Variants in TMX3 observed in about 807,000 individuals in gnomAD.
TMX3 encodes the protein thioredoxin related transmembrane protein 3, also known as protein disulfide-isomerase TMX3.
Under a neutral mutation model 64.4 loss-of-function variants are expected in TMX3, and 40 were observed. The observed-to-expected ratio is 0.62, with a 90% confidence interval of 0.48 to 0.81. TMX3 has a LOEUF of 0.81. TMX3 is among the 30% of genes least tolerant of loss of function. TMX3 has a pLI of 0.00. For synonymous variants in TMX3, 189 were observed against 175.7 expected, an observed-to-expected ratio of 1.08 and a Z score of -0.60; for missense variants, 497 against 534.5, an observed-to-expected ratio of 0.93 and a Z score of 0.69.
At chr18:68,698,843 C>A (rs563068258) in intron 6 of TMX3, among the ~76,000 whole-genome samples, 1 of 151,050 alleles carries the variant, frequency 6.6e-6, no homozygotes, top group South Asian at 2.1e-4. Flanking sequence ...GGTGAAATCC[C>A]GTCTCTACTA....
At chr18:68,701,868 T>A in intron 4 of TMX3, 78 bp from the exon 5 acceptor site, 1 of 1,181,362 alleles carries the variant, frequency 8.5e-7, no homozygotes, top group Non-Finnish European at 1.2e-6. Context: ...GCTTTTACTT[T>A]AAAAATAGAG....
chr18:68,714,002 C>A, intron 1 of TMX3, 102 bp from the exon 2 acceptor site: 2 of 661,616 alleles, frequency 3.0e-6, no homozygotes, highest in South Asian at 3.2e-5. Flanking sequence ...TCACAACCTA[C>A]CAAAAAATTC....
At chr18:68,690,840 T>C (rs1202447845) in intron 9 of TMX3, among the ~76,000 whole-genome samples, 1 of 152,202 alleles carries the variant, frequency 6.6e-6, no homozygotes, top group African/African-American at 2.4e-5. Flanking sequence ...CCAAGCATTA[T>C]GCGTCAATGA....
At chr18:68,700,708 T>A in intron 5 of TMX3, 1 of 973,136 alleles carries the variant, frequency 1.0e-6, no homozygotes, top group Non-Finnish European at 1.2e-6. Context: ...CATGAAAATA[T>A]CTTACTCTGC....
intron 12 of TMX3, 45 bp downstream of exon 12, chr18:68,684,145 G>T: frequency 1.4e-6 from 2 of 1,405,178 alleles, no homozygotes; most frequent in South Asian, 1.2e-5. Flanking sequence ...TTACAAAATG[G>T]TATTAAACAA....
rs1458623499 is a variant in TMX3, at chr18:68,673,847, G to A, written c.*3086C>T. ...TATTTTTTGCCCACTCTTGGACTCA[G>A]ACACATTCAGAAAAAATATATATTT... On this transcript the variant is annotated 3_prime_UTR_variant, in exon 16 of 16. Transcript: ENST00000299608. The A allele has an allele frequency of 6.6e-6, 1 of 152,024 alleles. No homozygotes were observed. Among genetic ancestry groups the A allele is most frequent in the Non-Finnish European group, 1.5e-5 (1 of 68,000 alleles). The allele number at this position is 152,024 out of a possible 1,614,324, so 9.4% of individuals were successfully genotyped here.
chr18:68,712,639 C>T (rs556087884), intron 2 of TMX3, among the ~76,000 whole-genome samples: 1 of 152,254 alleles, frequency 6.6e-6, no homozygotes, highest in South Asian at 2.1e-4. Flanking sequence ...ATCCCTTCCT[C>T]CTCCTCAGGA....
intron 9 of TMX3, chr18:68,691,008 C>G (rs1363505155): frequency 6.4e-6 from 2 of 314,588 alleles, no homozygotes; most frequent in African/African-American, 4.3e-5. Flanking sequence ...GAATTCTGAA[C>G]ATTTTAAAGT....
In TMX3 at chr18:68,703,085, T is replaced by G. The variant is rs191914112; in HGVS notation, c.266-1295A>C. 4.1e-3 allele frequency among the ~76,000 whole-genome samples: 624 copies of G among 152,328 alleles called. 6 individuals carry two copies. The highest frequency in any genetic ancestry group is 6.5e-3 in the Non-Finnish European group (440 of 68,020). The stretch of plus-strand genomic sequence containing the variant: ...GTCTGTAATCTAGGACTTCATTCTG[T>G]CAAGTATGTTCTAATTGGAGACTGT... On this transcript the variant is annotated intron_variant, in intron 4 of 15. Transcript: ENST00000299608.
intron 10 of TMX3, among the ~76,000 whole-genome samples, chr18:68,685,681 AAC>A (rs1364278234): frequency 1.3e-5 from 2 of 152,208 alleles, no homozygotes; most frequent in African/African-American, 2.4e-5. Flanking sequence ...GTGATGAGCA[AAC>A]ACAGACAAGG....
intron 6 of TMX3, among the ~76,000 whole-genome samples, chr18:68,699,256 A>G (rs1301624198): frequency 6.6e-6 from 1 of 152,178 alleles, no homozygotes; most frequent in Non-Finnish European, 1.5e-5. Context: ...AATTTCATCT[A>G]CAATAGTCAT....
At position 68,684,496 on chromosome 18, in the gene TMX3, G is replaced by A. The variant is rs1280623513; in HGVS notation, c.737-11C>T. The A allele has an allele frequency of 1.2e-6, 2 of 1,610,796 alleles. No homozygotes were observed. The highest frequency in any genetic ancestry group is 2.2e-5 in the South Asian group (2 of 90,906). The stretch of plus-strand genomic sequence containing the variant: ...GAGCCACAAGCTTTCCTGAAATAAA[G>A]AATGACACATCTGAATTCAATCACC... On this transcript the variant is annotated splice_polypyrimidine_tract_variant and intron_variant, in intron 10 of 15. Coordinates refer to ENST00000299608, the MANE Select transcript of TMX3 (RefSeq NM_019022.5).
At chr18:68,680,247 A>T (rs1599295268) in intron 14 of TMX3, among the ~76,000 whole-genome samples, 2 of 152,314 alleles carry the variant, frequency 1.3e-5, no homozygotes, top group South Asian at 4.1e-4. Context: ...AACTCTCAAA[A>T]ACTAGTAATT....
At position 68,713,885 on chromosome 18, in the gene TMX3, A is replaced by G; in HGVS notation, c.62T>C (p.Met21Thr). 4 of 1,582,494 alleles carry G rather than the reference A, an allele frequency of 2.5e-6. No individual in the cohort carries two copies. The highest frequency in any genetic ancestry group is 3.5e-6 in the Non-Finnish European group (4 of 1,156,462). The change falls in exon 2 of 16, where the codon ATG (methionine) becomes ACG (threonine). Residue 21 changes from methionine to threonine, a missense_variant. Physicochemically the swap from Met to Thr is moderately conservative, Grantham distance 81. Coordinates refer to ENST00000299608, the MANE Select transcript of TMX3 (RefSeq NM_019022.5). ...RLCATVVVLD[M>T]VVCKGFVEDL... ...TTCTACAAATCCTTTACAGACGACC[A>G]TATCAAGTACAACAACTGAAAAAAA...
chr18:68,714,687 A>C (rs558884094), intron 1 of TMX3, among the ~76,000 whole-genome samples: 23 of 152,300 alleles, frequency 1.5e-4, no homozygotes, highest in Middle Eastern at 6.8e-3. Flanking sequence ...AAAAACACAA[A>C]CACAAGGCAG....
intron 4 of TMX3, among the ~76,000 whole-genome samples, chr18:68,703,535 G>A (rs1289067600): frequency 1.3e-5 from 2 of 152,010 alleles, no homozygotes; most frequent in African/African-American, 4.8e-5. Flanking sequence ...CGAGACAATG[G>A]AGATCTATCA....
At chr18:68,686,217 G>C (rs1363747821) in intron 10 of TMX3, among the ~76,000 whole-genome samples, 1 of 152,124 alleles carries the variant, frequency 6.6e-6, no homozygotes, top group Admixed American at 6.6e-5. Flanking sequence ...ATGCCTAACA[G>C]GGGCAATTAT....
In TMX3 at chr18:68,695,046, A is replaced by C. The variant is rs553762623; in HGVS notation, c.570+2180T>G. 4.6e-5 allele frequency among the ~76,000 whole-genome samples: 7 copies of C among 152,196 alleles called. No homozygotes were observed. In the South Asian group the frequency reaches 1.4e-3, roughly 31 times the overall value. On this transcript the variant is annotated intron_variant, in intron 8 of 15. Coordinates refer to ENST00000299608, the MANE Select transcript of TMX3 (RefSeq NM_019022.5). ...TACTGCCAAATTCCTAAGGTCCCCT[A>C]CTCATTCAAAGTTTCCTAAAGAGAA...
At chr18:68,714,844 G>A (rs2031778276) in intron 1 of TMX3, 92 bp downstream of exon 1, 1 of 1,512,084 alleles carries the variant, frequency 6.6e-7, no homozygotes, top group East Asian at 2.5e-5. Flanking sequence ...GAACCCCGCA[G>A]GCCTCGCCCC....
Sources: gnomAD v4.1 joint callset for allele counts (sites outside exome capture counted in the v4.1 genomes callset) on GRCh38, gnomAD v4.1.1 for gene constraint, MANE v1.5 for transcripts, NCBI Gene and HGNC (gene_info 2026-07-23, HGNC 2026-07-21) for gene names.